The following GFM2 variants were observed in gnomAD, a reference collection of about 807,000 sequenced individuals.
GFM2 encodes the protein GTP dependent ribosome recycling factor mitochondrial 2, also known as ribosome-releasing factor 2, mitochondrial.
A neutral mutation model predicts 95.4 loss-of-function variants in GFM2; 72 were observed. That is an observed-to-expected ratio of 0.76 (90% CI 0.62 to 0.92). GFM2 has a LOEUF of 0.92. Among genes scored for constraint, GFM2 ranks in the 40% least tolerant of loss-of-function variants. GFM2 has a pLI of 0.00. For synonymous variants in GFM2, 276 were observed against 317.5 expected, an observed-to-expected ratio of 0.87 and a Z score of 1.39; for missense variants, 825 against 924.1, an observed-to-expected ratio of 0.89 and a Z score of 1.39.
At chr5:74,764,497 T>A (rs1002063642) in intron 1 of GFM2, among the ~76,000 whole-genome samples, 137 of 152,184 alleles carry the variant, frequency 9.0e-4, no homozygotes, top group African/African-American at 2.1e-3. Flanking sequence ...ATGAGGTTTT[T>A]TTTATTTTTT....
At chr5:74,738,190 C>A in intron 14 of GFM2, 128 bp downstream of exon 14, 1 of 691,062 alleles carries the variant, frequency 1.4e-6, no homozygotes, top group Non-Finnish European at 2.5e-6. Context: ...GACAAATATG[C>A]CATAATATTC....
At chr5:74,732,978 A>ACACACACACACACACACT (rs757708241) in intron 16 of GFM2, 44 bp downstream of exon 16, 1 of 946,044 alleles carries the variant, frequency 1.1e-6, no homozygotes. Context: ...ACACACACAC[A>ACACACACACACACACACT]CTCTTATAGA....
At chr5:74,761,999 T>C (rs183548924) in intron 2 of GFM2, among the ~76,000 whole-genome samples, 1 of 152,204 alleles carries the variant, frequency 6.6e-6, no homozygotes, top group Non-Finnish European at 1.5e-5. Context: ...TAAGACCCAG[T>C]GTCTATCACA....
chr5:74,755,140 C>A (rs1274511101), intron 5 of GFM2, among the ~76,000 whole-genome samples: 1 of 152,054 alleles, frequency 6.6e-6, no homozygotes. Flanking sequence ...AACAAAAAGA[C>A]TTAATAAATA....
At chr5:74,732,860 G>A (rs1742638370) in intron 16 of GFM2, among the ~76,000 whole-genome samples, 162 bp downstream of exon 16, 1 of 151,128 alleles carries the variant, frequency 6.6e-6, no homozygotes, top group Admixed American at 6.6e-5. Context: ...CATAAAAGCA[G>A]AAATTTGTAT....
intron 1 of GFM2, chr5:74,765,099 C>T: frequency 1.6e-6 from 2 of 1,259,466 alleles, no homozygotes; most frequent in Non-Finnish European, 2.1e-6. Flanking sequence ...AATCCATTCC[C>T]TTTTCATTGG....
At chr5:74,746,041 T>C (rs1361772646) in intron 9 of GFM2, 64 bp downstream of exon 9, 4 of 1,218,272 alleles carry the variant, frequency 3.3e-6, no homozygotes, top group African/African-American at 3.0e-5. Flanking sequence ...TGGAAATGTA[T>C]ATATTGTCAC....
At chr5:74,741,437 TAAA>T in intron 11 of GFM2, 89 bp downstream of exon 11, 1 of 600,442 alleles carries the variant, frequency 1.7e-6, no homozygotes, top group Non-Finnish European at 3.0e-6. Flanking sequence ...ATGCAAAGTT[TAAA>T]AAAAAAATGC....
Position 74,746,055 on chromosome 5 carries a change from ATAAAT to A in GFM2, c.669+45_669+49del, listed in dbSNP as rs558522108. 1.6e-3 allele frequency: 2,046 copies of A among 1,315,414 alleles called. 5 individuals are homozygous for A. The highest frequency in any genetic ancestry group is 1.9e-3 in the Non-Finnish European group (1,797 of 947,112). 81.5% of individuals were successfully genotyped at this position (1,315,414 alleles called of 1,614,324 possible). A position where few individuals can be genotyped will look rare whatever the true frequency, so the allele number is the denominator to read the frequency against. ...TTGGAAATGTATATATTGTCACAAA[ATAAAT>A]TAATGAGGAAACTGAGAAGAAGCTG... On this transcript the variant is annotated intron_variant, in intron 9 of 20. Transcript: ENST00000296805.
intron 17 of GFM2, among the ~76,000 whole-genome samples, chr5:74,728,347 T>C (rs1750242355): frequency 6.7e-6 from 1 of 150,198 alleles, no homozygotes; most frequent in East Asian, 2.0e-4. Flanking sequence ...ACCAAGAAAA[T>C]CGTAAGAGAA....
In GFM2 at chr5:74,745,802, T is replaced by C. The variant is rs199781577; in HGVS notation, c.725A>G (p.Glu242Gly). The part of the protein sequence containing the change: ...FKGVVDVVMK[E>G]KLLWNCNSND... ...TGAATTGCAATTCCAAAGAAGTTTT[T>C]CTTTCATTACTACATCCACCACTCC... is the stretch of plus-strand genomic sequence containing the variant. Residue 242 changes from glutamate (E) to glycine (G), a missense_variant, in exon 10 of 21, where the codon GAA becomes GGA. Coordinates refer to ENST00000296805, the MANE Select transcript of GFM2 (RefSeq NM_032380.5). 1.2e-6 allele frequency: 2 copies of C among 1,613,378 alleles called. No individual in the cohort carries two copies. Among genetic ancestry groups the C allele is most frequent in the East Asian group, 2.2e-5 (1 of 44,850 alleles).
chr5:74,744,446 G>GA (rs1743279993), intron 10 of GFM2, among the ~76,000 whole-genome samples: 1 of 151,640 alleles, frequency 6.6e-6, no homozygotes, highest in Admixed American at 6.6e-5. Context: ...ATTTAGAAGT[G>GA]AAAAATCAAG....
chr5:74,747,685 CA>C lies in GFM2; in HGVS notation c.608+6del. On this transcript the variant is annotated splice_donor_region_variant and intron_variant, in intron 8 of 20. Transcript: ENST00000296805. ...CCTGATAAGCCAATGAAACACATTTCAAATACCTTGCTCCAGTTTTGTCCAT... is the reference window on the plus strand; with the variant it reads ...CCTGATAAGCCAATGAAACACATTTCAATACCTTGCTCCAGTTTTGTCCAT... The C allele has an allele frequency of 6.4e-7, 1 of 1,569,404 alleles. No individual in the cohort carries two copies. The highest frequency in any genetic ancestry group is 1.7e-4 in the Middle Eastern group (1 of 5,968).
At chr5:74,740,258 T>C in intron 11 of GFM2, 121 bp from the exon 12 acceptor site, 1 of 661,006 alleles carries the variant, frequency 1.5e-6, no homozygotes, top group East Asian at 3.2e-5. Context: ...CCTTCATCAT[T>C]TTGTTGGCTT....
intron 1 of GFM2, among the ~76,000 whole-genome samples, chr5:74,766,584 T>G (rs1199514198): frequency 1.3e-5 from 2 of 152,148 alleles, no homozygotes; most frequent in Non-Finnish European, 1.5e-5. Flanking sequence ...CCAAAATGCC[T>G]CAGAAATTTC....
intron 1 of GFM2, among the ~76,000 whole-genome samples, chr5:74,764,541 T>C (rs1395186948): frequency 6.6e-6 from 1 of 152,112 alleles, no homozygotes; most frequent in Non-Finnish European, 1.5e-5. Context: ...TTATCATTAG[T>C]GATTTTATGT....
chr5:74,746,437 T>C (rs1743392180), intron 8 of GFM2, among the ~76,000 whole-genome samples: 1 of 152,218 alleles, frequency 6.6e-6, no homozygotes, highest in African/African-American at 2.4e-5. Flanking sequence ...AACTATACTT[T>C]GCAATTAACA....
At chr5:74,758,498 T>C (rs1033367665) in intron 5 of GFM2, among the ~76,000 whole-genome samples, 1 of 152,194 alleles carries the variant, frequency 6.6e-6, no homozygotes, top group Admixed American at 6.5e-5. Context: ...TCCATTACTC[T>C]GGAGCAGCCA....
chr5:74,730,457 C>T, intron 16 of GFM2, 59 bp from the exon 17 acceptor site: 2 of 1,205,414 alleles, frequency 1.7e-6, no homozygotes, highest in Non-Finnish European at 2.3e-6. Context: ...TTGCAGAATA[C>T]TATATAAAAG....
Sources: allele counts gnomAD v4.1 joint callset (sites outside exome capture counted in the v4.1 genomes callset), GRCh38; gene constraint gnomAD v4.1.1; transcripts MANE v1.5; gene names NCBI Gene and HGNC (gene_info 2026-07-23, HGNC 2026-07-21).